The following LRBA variants were observed in gnomAD, a reference collection of about 807,000 sequenced individuals.
LRBA encodes the protein lipopolysaccharide-responsive and beige-like anchor protein.
Under a neutral mutation model 330.0 loss-of-function variants are expected in LRBA, and 176 were observed. The ratio of observed to expected loss-of-function variants is 0.53; its 90% CI spans 0.47 to 0.60. The LOEUF is 0.60. Among genes scored for constraint, LRBA ranks in the 20% least tolerant of loss-of-function variants. The pLI, the probability that LRBA is intolerant of heterozygous loss-of-function variation, is 0.00. For missense variants in LRBA, 3,259 were observed against 3,444.8 expected (o/e 0.95, Z 1.35); for synonymous variants, 1,230 against 1,193.0 (o/e 1.03, Z -0.64).
intron 2 of LRBA, among the ~76,000 whole-genome samples, chr4:150,979,619 A>C (rs1740610328): frequency 6.6e-6 from 1 of 152,256 alleles, no homozygotes; most frequent in Non-Finnish European, 1.5e-5. Flanking sequence ...GATAAAGGTA[A>C]AGTGTAGAGC....
chr4:150,309,021 T>A (rs905838870), intron 52 of LRBA, among the ~76,000 whole-genome samples: 2 of 152,206 alleles, frequency 1.3e-5, no homozygotes, highest in Admixed American at 6.5e-5. Context: ...CACTGCTCAC[T>A]CACTGACTCA....
At chr4:150,743,514 TA>T (rs1732292497) in intron 35 of LRBA, among the ~76,000 whole-genome samples, 2 of 152,194 alleles carry the variant, frequency 1.3e-5, no homozygotes, top group Non-Finnish European at 2.9e-5. Flanking sequence ...GGGGAACATA[TA>T]AAAGAAAATA....
intron 42 of LRBA, among the ~76,000 whole-genome samples, chr4:150,478,576 G>T (rs1756964801): frequency 6.6e-6 from 1 of 152,116 alleles, no homozygotes; most frequent in Non-Finnish European, 1.5e-5. Context: ...ATATCATCCA[G>T]ATGTCTTCAA....
intron 40 of LRBA, among the ~76,000 whole-genome samples, chr4:150,585,081 G>A (rs926545232): frequency 2.0e-5 from 3 of 152,082 alleles, no homozygotes; most frequent in Non-Finnish European, 4.4e-5. Flanking sequence ...ATCTGAATCC[G>A]ATATACAAAG....
In LRBA at chr4:150,852,026, A is replaced by G. The variant is rs201219993; in HGVS notation, c.3684T>C (p.Cys1228=). The stretch of plus-strand genomic sequence containing the variant: ...AAGAAGCCTCAGAGACACTACCATG[A>G]CAATCATTAATTAATTTGGTTTCTC... ...LTRETKLIND[C]HGSVSEASSE... Residue 1228 remains cysteine, a synonymous_variant, in exon 23 of 57, where the codon TGT becomes TGC. Transcript: ENST00000651943. The G allele has an allele frequency of 2.9e-4, 469 of 1,614,114 alleles. 2 individuals carry two copies. The East Asian group carries it at 9.5e-3, about 33-fold the overall frequency.
At chr4:150,341,823 T>C (rs1735618642) in intron 48 of LRBA, among the ~76,000 whole-genome samples, 1 of 151,828 alleles carries the variant, frequency 6.6e-6, no homozygotes, top group Non-Finnish European at 1.5e-5. Context: ...CATACTAAGA[T>C]ACTAATGTCT....
At chr4:150,730,211 C>T (rs184320894) in intron 36 of LRBA, among the ~76,000 whole-genome samples, 1 of 152,110 alleles carries the variant, frequency 6.6e-6, no homozygotes, top group African/African-American at 2.4e-5. Context: ...AAGAGACAAC[C>T]CATAGAATGG....
At chr4:150,587,123 T>A (rs911077053) in intron 40 of LRBA, among the ~76,000 whole-genome samples, 8 of 152,168 alleles carry the variant, frequency 5.3e-5, no homozygotes. Flanking sequence ...GTGTGAGACA[T>A]GATTTGTTTG....
At chr4:151,015,033 GAGGCCCCCGAAC>G (rs1745268740) in intron 1 of LRBA, among the ~76,000 whole-genome samples, 157 bp downstream of exon 1, 1 of 152,122 alleles carries the variant, frequency 6.6e-6, no homozygotes. Flanking sequence ...GCAGGTCCAA[GAGGCCCCCGAAC>G]AGGCTCACTC....
In LRBA at chr4:150,836,341, T is replaced by C. The variant is rs560618924; in HGVS notation, c.4570-4365A>G. ...AAAATGAGTTAGGGAGGATTCCCTC[T>C]TTTTCTATTGATTGGAATAGTTTCA... On this transcript the variant is annotated intron_variant, in intron 28 of 56. Coordinates refer to ENST00000651943, the MANE Select transcript of LRBA (RefSeq NM_001364905.1). Among the ~76,000 whole-genome samples, 8 of 152,200 alleles carry C rather than the reference T, an allele frequency of 5.3e-5. No homozygotes were observed. In the South Asian group the frequency reaches 8.3e-4, roughly 16 times the overall value.
intron 40 of LRBA, among the ~76,000 whole-genome samples, chr4:150,516,971 A>G (rs1427115749): frequency 6.6e-6 from 1 of 152,208 alleles, no homozygotes; most frequent in Non-Finnish European, 1.5e-5. Context: ...AATCCAATGC[A>G]AATCACTGGG....
At chr4:150,826,348 T>C (rs1198217195) in intron 30 of LRBA, among the ~76,000 whole-genome samples, 1 of 152,150 alleles carries the variant, frequency 6.6e-6, no homozygotes. Flanking sequence ...AGGATATTTA[T>C]TAGCAAGGAA....
chr4:150,678,518 T>A (rs1782772043), intron 37 of LRBA, among the ~76,000 whole-genome samples: 1 of 152,188 alleles, frequency 6.6e-6, no homozygotes, highest in Non-Finnish European at 1.5e-5. Context: ...ACATAGTGTT[T>A]AAAACTAAAC....
intron 28 of LRBA, chr4:150,841,120 T>A (rs1191980000): frequency 3.7e-6 from 1 of 268,714 alleles, no homozygotes; most frequent in Admixed American, 5.1e-5. Context: ...GACATACCCA[T>A]GTTCTTCTGC....
chr4:150,631,131 A>G (rs1018927129), intron 37 of LRBA, among the ~76,000 whole-genome samples: 2 of 151,998 alleles, frequency 1.3e-5, no homozygotes, highest in African/African-American at 2.4e-5. Context: ...AAATAGTGGC[A>G]ATATTCAACA....
intron 47 of LRBA, among the ~76,000 whole-genome samples, chr4:150,374,182 T>A (rs752775708): frequency 6.6e-6 from 1 of 152,196 alleles, no homozygotes; most frequent in Non-Finnish European, 1.5e-5. Flanking sequence ...TCTCCCTCTA[T>A]GAGAGTGAAC....
intron 35 of LRBA, among the ~76,000 whole-genome samples, chr4:150,754,649 G>A (rs1734047549): frequency 6.6e-6 from 1 of 151,534 alleles, no homozygotes; most frequent in South Asian, 2.1e-4. Context: ...ATGTAATTAA[G>A]CAGAGCACAG....
chr4:150,594,168 G>A (rs898485634), intron 38 of LRBA, among the ~76,000 whole-genome samples: 5 of 152,016 alleles, frequency 3.3e-5, no homozygotes, highest in Admixed American at 1.3e-4. Flanking sequence ...GCAGCTTACT[G>A]ATATTTAGAA....
Position 150,864,805 on chromosome 4 carries a change from C to T in LRBA, c.2766+2866G>A, listed in dbSNP as rs541316065. Among the ~76,000 whole-genome samples the T allele has an allele frequency of 4.3e-3, 651 of 152,116 alleles. 4 individuals carry two copies. The highest frequency in any genetic ancestry group is 0.015 in the African/African-American group (630 of 41,502). On this transcript the variant is annotated intron_variant, in intron 22 of 56. Transcript: ENST00000651943. Reference sequence around the variant, plus strand: ...GGGATTACAGGCATGCACCACCGTGCCCAGCTAATTTTTGTATTTTTAGCA... The same window carrying T: ...GGGATTACAGGCATGCACCACCGTGTCCAGCTAATTTTTGTATTTTTAGCA...
Sources: allele counts gnomAD v4.1 joint callset (sites outside exome capture counted in the v4.1 genomes callset), GRCh38; gene constraint gnomAD v4.1.1; transcripts MANE v1.5; gene names NCBI Gene and HGNC (gene_info 2026-07-23, HGNC 2026-07-21).